The following GRIN2B variants were observed in gnomAD, a reference collection of about 807,000 sequenced individuals.
The protein encoded by GRIN2B is glutamate receptor ionotropic, NMDA 2B.
A neutral mutation model predicts 114.5 loss-of-function variants in GRIN2B; 5 were observed. The ratio of observed to expected loss-of-function variants is 0.04; its 90% confidence interval spans 0.02 to 0.09. The LOEUF is 0.09. GRIN2B is among the 10% of genes least tolerant of loss of function. The pLI is 1.00. For synonymous variants in GRIN2B, 787 were observed against 745.1 expected, an observed-to-expected ratio of 1.06 and a Z score of -0.92; for missense variants, 1,108 against 1,943.5, an observed-to-expected ratio of 0.57 and a Z score of 8.08.
chr12:13,900,984 T>C (rs1866440079), intron 2 of GRIN2B, among the ~76,000 whole-genome samples: 1 of 152,170 alleles, frequency 6.6e-6, no homozygotes, highest in South Asian at 2.1e-4. Flanking sequence ...AATTCTGACA[T>C]GTCTATTCTT....
chr12:13,787,521 G>A (rs563697718), intron 3 of GRIN2B, among the ~76,000 whole-genome samples: 18 of 152,292 alleles, frequency 1.2e-4, no homozygotes, highest in South Asian at 2.1e-4. Flanking sequence ...AGGGCAAGCC[G>A]TACCAGAGAA....
At chr12:13,762,123 C>A (rs1468988471) in intron 3 of GRIN2B, among the ~76,000 whole-genome samples, 1 of 152,158 alleles carries the variant, frequency 6.6e-6, no homozygotes, top group Non-Finnish European at 1.5e-5. Context: ...CCTGCCTCAG[C>A]CTCCTGAGTA....
At chr12:13,890,133 C>T (rs1256745586) in intron 2 of GRIN2B, among the ~76,000 whole-genome samples, 2 of 152,190 alleles carry the variant, frequency 1.3e-5, no homozygotes, top group African/African-American at 4.8e-5. Flanking sequence ...GCTGGCCTAT[C>T]TCGTTTCATG....
Position 13,897,990 on chromosome 12 carries a change from TAATAAATA to T in GRIN2B, c.-18-31772_-18-31765del, listed in dbSNP as rs58807255. 5.6e-3 allele frequency among the ~76,000 whole-genome samples: 803 copies of T among 144,664 alleles called. 9 individuals carry two copies. Among genetic ancestry groups the T allele is most frequent in the South Asian group, 0.032 (145 of 4,578 alleles). 94.9% of individuals were successfully genotyped at this position (144,664 alleles called of 152,430 possible). A position where few individuals can be genotyped will look rare whatever the true frequency, so the allele number is the denominator to read the frequency against. ...ATGTACCCTAAAACTTAAAGTATAATAATAAATAAATAAATAAATAAATAAATAAATAA... is the reference window on the plus strand; with the variant it reads ...ATGTACCCTAAAACTTAAAGTATAATAATAAATAAATAAATAAATAAATAA... On this transcript the variant is annotated intron_variant, in intron 2 of 13. Transcript: ENST00000609686.
chr12:13,847,505 G>T (rs1386867834), intron 3 of GRIN2B, among the ~76,000 whole-genome samples: 2 of 152,160 alleles, frequency 1.3e-5, no homozygotes, highest in African/African-American at 4.8e-5. Flanking sequence ...CTAATGCCAG[G>T]TCCAAAGGTA....
chr12:13,683,493 A>G (rs559541338), intron 4 of GRIN2B: 1 of 152,294 alleles, frequency 6.6e-6, no homozygotes, highest in East Asian at 1.9e-4. Flanking sequence ...AATATAAATA[A>G]TAATATTACC....
chr12:13,571,654 A>C, intron 11 of GRIN2B, 150 bp downstream of exon 11: 1 of 825,034 alleles, frequency 1.2e-6, no homozygotes, highest in Non-Finnish European at 2.1e-6. Flanking sequence ...ATACGATCAA[A>C]TTTAACTTGG....
intron 3 of GRIN2B, among the ~76,000 whole-genome samples, chr12:13,812,188 A>G (rs773757166): frequency 2.0e-5 from 3 of 152,168 alleles, no homozygotes; most frequent in African/African-American, 4.8e-5. Context: ...CTAAGCCCCA[A>G]ATTATATAAA....
rs567251892 is a variant in GRIN2B at position 13,863,194 on chromosome 12, T to C, written c.411+2604A>G. Among the ~76,000 whole-genome samples, 3 of 152,284 alleles carry C rather than the reference T, an allele frequency of 2.0e-5. No homozygotes were observed. The East Asian group carries it at 5.8e-4, about 29-fold the overall frequency. ...TACTGGTGTCAGTTCTCCTATTTAC[T>C]CCTGGAAGGCAGTAGCCAGTGGGTC... is the stretch of plus-strand genomic sequence containing the variant. On this transcript the variant is annotated intron_variant, in intron 3 of 13. Coordinates refer to ENST00000609686, the MANE Select transcript of GRIN2B (RefSeq NM_000834.5).
chr12:13,707,945 A>G (rs1432148030), intron 4 of GRIN2B, among the ~76,000 whole-genome samples: 1 of 152,042 alleles, frequency 6.6e-6, no homozygotes, highest in Non-Finnish European at 1.5e-5. Flanking sequence ...GCTCTTGTAG[A>G]GAGCTGATCT....
Position 13,608,243 on chromosome 12 carries a change from G to T in GRIN2B, c.2010+360C>A, listed in dbSNP as rs117145684. 5.3e-5 allele frequency among the ~76,000 whole-genome samples: 8 copies of T among 152,260 alleles called. No individual in the cohort carries two copies. The East Asian group carries it at 7.7e-4, about 15-fold the overall frequency. ...GAGGCCATCATGCGCCCATCTCCTC[G>T]GTGTGGGTACACGGCGGCGGTCCTC... On this transcript the variant is annotated intron_variant, in intron 10 of 13. Transcript: ENST00000609686.
Position 13,563,947 on chromosome 12 carries a change from C to T in GRIN2B, c.3291G>A (p.Lys1097=). Residue 1097 remains lysine (K), a synonymous_variant, in exon 14 of 14, where the codon AAG becomes AAA. Transcript: ENST00000609686. The part of the protein sequence containing the change: ...DSLKKRPASA[K]SRREFDEIEL... ...CGATCTCGTCAAACTCCCTGCGGGACTTGGCCGAGGCAGGCCGCTTCTTCA... is the reference window on the plus strand; with the variant it reads ...CGATCTCGTCAAACTCCCTGCGGGATTTGGCCGAGGCAGGCCGCTTCTTCA... The T allele has an allele frequency of 6.2e-7, 1 of 1,614,248 alleles. No homozygotes were observed. The highest frequency in any genetic ancestry group is 2.2e-5 in the East Asian group (1 of 44,880).
intron 3 of GRIN2B, among the ~76,000 whole-genome samples, chr12:13,773,304 C>T (rs537751297): frequency 2.9e-4 from 44 of 152,176 alleles, no homozygotes; most frequent in African/African-American, 1.0e-3. Context: ...TCCATGCACA[C>T]ACCTGCACAA....
At chr12:13,896,570 A>T (rs1260379747) in intron 2 of GRIN2B, among the ~76,000 whole-genome samples, 2 of 152,206 alleles carry the variant, frequency 1.3e-5, no homozygotes, top group Non-Finnish European at 2.9e-5. Flanking sequence ...GTACAACTAC[A>T]TGGCAATGAT....
At chr12:13,607,439 A>G (rs2136468106) in intron 10 of GRIN2B, among the ~76,000 whole-genome samples, 1 of 91,918 alleles carries the variant, frequency 1.1e-5, no homozygotes, top group Admixed American at 1.9e-4. Context: ...TATAATATAT[A>G]TTATATATAA....
chr12:13,716,730 G>A (rs1950458972), intron 4 of GRIN2B, among the ~76,000 whole-genome samples: 1 of 151,946 alleles, frequency 6.6e-6, no homozygotes, highest in Non-Finnish European at 1.5e-5. Flanking sequence ...ATGATCTTTA[G>A]GAAAACACAA....
intron 4 of GRIN2B, among the ~76,000 whole-genome samples, chr12:13,688,262 C>A (rs1433118402): frequency 6.6e-6 from 1 of 152,174 alleles, no homozygotes; most frequent in South Asian, 2.1e-4. Context: ...AAATCCAGAT[C>A]TGAATGGCTC....
chr12:13,885,998 C>A (rs1034719945), intron 2 of GRIN2B, among the ~76,000 whole-genome samples: 1 of 152,070 alleles, frequency 6.6e-6, no homozygotes, highest in Non-Finnish European at 1.5e-5. Flanking sequence ...TCCACAAGCG[C>A]CCCAGATGAC....
chr12:13,627,948 G>A (rs1949585030), intron 5 of GRIN2B, among the ~76,000 whole-genome samples: 1 of 152,142 alleles, frequency 6.6e-6, no homozygotes, highest in Non-Finnish European at 1.5e-5. Context: ...TAACCAGAAG[G>A]GTCCTTTAAG....
Sources: gnomAD v4.1 joint callset for allele counts (sites outside exome capture counted in the v4.1 genomes callset) on GRCh38, gnomAD v4.1.1 for gene constraint, MANE v1.5 for transcripts, NCBI Gene and HGNC (gene_info 2026-07-23, HGNC 2026-07-21) for gene names.